Variants in RETREG1 observed in about 807,000 individuals in gnomAD.
RETREG1 encodes reticulophagy regulator 1.
In RETREG1, 44 loss-of-function variants were observed where a neutral mutation model predicts 54.8. That is an observed-to-expected ratio of 0.80 (90% confidence interval 0.63 to 1.03). The LOEUF is 1.03. Among genes scored for constraint, RETREG1 ranks in the 50% least tolerant of loss-of-function variants. RETREG1 has a pLI of 0.00. For missense variants in RETREG1, 554 were observed against 605.1 expected, an observed-to-expected ratio of 0.92 and a Z score of 0.89; for synonymous variants, 217 against 238.5, an observed-to-expected ratio of 0.91 and a Z score of 0.83.
intron 3 of RETREG1, among the ~76,000 whole-genome samples, chr5:16,544,282 C>A (rs934099585): frequency 1.3e-5 from 2 of 152,200 alleles, no homozygotes; most frequent in Non-Finnish European, 1.5e-5. Context: ...AGCCTATTGC[C>A]AAGTTTTAAT....
intron 3 of RETREG1, among the ~76,000 whole-genome samples, chr5:16,487,784 A>G (rs1196233488): frequency 6.6e-6 from 1 of 152,264 alleles, no homozygotes; most frequent in Admixed American, 6.5e-5. Flanking sequence ...GGAATAAAAC[A>G]TGGAAAGATG....
At chr5:16,514,200 G>A (rs906262355) in intron 3 of RETREG1, among the ~76,000 whole-genome samples, 1 of 152,128 alleles carries the variant, frequency 6.6e-6, no homozygotes. Flanking sequence ...GGGAGGAGAT[G>A]AATAACCTAG....
intron 3 of RETREG1, chr5:16,508,921 GC>G: frequency 1.7e-6 from 2 of 1,211,882 alleles, no homozygotes; most frequent in Non-Finnish European, 2.1e-6. Context: ...CTGGAAGTGA[GC>G]CCTGCCCAGC....
chr5:16,536,158 C>T (rs951046520), intron 3 of RETREG1, among the ~76,000 whole-genome samples: 2 of 152,186 alleles, frequency 1.3e-5, no homozygotes, highest in African/African-American at 4.8e-5. Context: ...ACCTCTATCC[C>T]ACCCCAAGAA....
At chr5:16,573,368 G>A (rs1200551424) in intron 1 of RETREG1, among the ~76,000 whole-genome samples, 1 of 152,018 alleles carries the variant, frequency 6.6e-6, no homozygotes, top group Non-Finnish European at 1.5e-5. Context: ...TGTTTGTAAA[G>A]AAATCACAAA....
chr5:16,480,592 G>A (rs1738725233), intron 5 of RETREG1, among the ~76,000 whole-genome samples: 1 of 152,064 alleles, frequency 6.6e-6, no homozygotes, highest in South Asian at 2.1e-4. Flanking sequence ...CACTTGCTCT[G>A]CATCCCTCCT....
At chr5:16,616,050 CCT>C (rs1222482365) in intron 1 of RETREG1, 1 of 152,218 alleles carries the variant, frequency 6.6e-6, no homozygotes, top group African/African-American at 2.4e-5. Flanking sequence ...TAAAAATATG[CCT>C]GTTTTCCACA....
Position 16,518,646 on chromosome 5 carries a change from A to C in RETREG1, c.459-35174T>G, listed in dbSNP as rs528720806. Among the ~76,000 whole-genome samples, 7 of 152,346 alleles carry C rather than the reference A, an allele frequency of 4.6e-5. No individual in the cohort carries two copies. The South Asian group carries it at 1.4e-3, about 32-fold the overall frequency. ...AGGGTTCCCTGTCCCTACAGGAAAGAAATACCCACTCACTTGGGACACAGG... is the reference window on the plus strand; with the variant it reads ...AGGGTTCCCTGTCCCTACAGGAAAGCAATACCCACTCACTTGGGACACAGG... On this transcript the variant is annotated intron_variant, in intron 3 of 8. Coordinates refer to ENST00000306320, the MANE Select transcript of RETREG1 (RefSeq NM_001034850.3).
chr5:16,546,735 T>A (rs1462078134), intron 3 of RETREG1, among the ~76,000 whole-genome samples: 1 of 152,198 alleles, frequency 6.6e-6, no homozygotes, highest in Admixed American at 6.5e-5. Context: ...TTTTTCCTGC[T>A]TTGTCTTAAA....
chr5:16,480,841 G>C (rs962682899), intron 5 of RETREG1, among the ~76,000 whole-genome samples, 168 bp downstream of exon 5: 1 of 151,980 alleles, frequency 6.6e-6, no homozygotes. Context: ...TTAAAATAGA[G>C]ACATGTCTCT....
chr5:16,503,880 G>T (rs1055676266), intron 3 of RETREG1, among the ~76,000 whole-genome samples: 5 of 144,224 alleles, frequency 3.5e-5, no homozygotes, highest in African/African-American at 1.3e-4. Flanking sequence ...TCTCTTTCCA[G>T]CTTCACTTTT....
At chr5:16,595,022 A>G (rs1742860284) in intron 1 of RETREG1, among the ~76,000 whole-genome samples, 1 of 152,140 alleles carries the variant, frequency 6.6e-6, no homozygotes, top group African/African-American at 2.4e-5. Flanking sequence ...GTTTCATATA[A>G]TATCCTTCCT....
In RETREG1 at chr5:16,561,658, G is replaced by A. The variant is rs142039301; in HGVS notation, c.458+4105C>T. Among the ~76,000 whole-genome samples the A allele has an allele frequency of 5.8e-3, 890 of 152,240 alleles. 6 individuals are homozygous for A. The highest frequency in any genetic ancestry group is 0.02 in the African/African-American group (851 of 41,534). On this transcript the variant is annotated intron_variant, in intron 3 of 8. Transcript: ENST00000306320. The surrounding 1 kb of genome is among the most constrained non-coding windows in gnomAD (Gnocchi z 4.2). ...CCTAGAATAGGGAGCTTCTCACTCC[G>A]TAACCAAACCTAACAGTTAGCAAAG...
At chr5:16,509,060 A>G in intron 3 of RETREG1, 2 of 963,260 alleles carry the variant, frequency 2.1e-6, no homozygotes, top group Non-Finnish European at 1.2e-6. Context: ...TTTTTCTGGC[A>G]TGACTAGGCA....
At chr5:16,611,123 G>A (rs184921941) in intron 1 of RETREG1, among the ~76,000 whole-genome samples, 15 of 152,172 alleles carry the variant, frequency 9.9e-5, no homozygotes, top group African/African-American at 3.1e-4. Context: ...GAATGAAGCT[G>A]GAAACCATTC....
At chr5:16,527,698 CA>C (rs1264205765) in intron 3 of RETREG1, among the ~76,000 whole-genome samples, 1 of 148,444 alleles carries the variant, frequency 6.7e-6, no homozygotes, top group Non-Finnish European at 1.5e-5. Context: ...AATAGCCTTG[CA>C]AAAGTTTCTT....
chr5:16,556,552 C>T (rs1224868871), intron 3 of RETREG1, among the ~76,000 whole-genome samples: 1 of 152,030 alleles, frequency 6.6e-6, no homozygotes, highest in African/African-American at 2.4e-5. Context: ...ATGTCAAAAA[C>T]GATCCTGAAC....
chr5:16,545,816 A>C (rs56379171), intron 3 of RETREG1, among the ~76,000 whole-genome samples: 44,435 of 152,142 alleles, frequency 0.29, 6,821 homozygotes, highest in East Asian at 0.4. Context: ...GTCTGTTGTC[A>C]GCACAGAAGC....
chr5:16,476,933 A>G (rs1227871066), intron 8 of RETREG1, among the ~76,000 whole-genome samples: 3 of 152,060 alleles, frequency 2.0e-5, no homozygotes, highest in Non-Finnish European at 4.4e-5. Flanking sequence ...TAAAAATAAA[A>G]AGCTTTTTTA....
Sources: allele counts gnomAD v4.1 joint callset (sites outside exome capture counted in the v4.1 genomes callset), GRCh38; gene constraint gnomAD v4.1.1; non-coding constraint Gnocchi (gnomAD v3.1); transcripts MANE v1.5; gene names NCBI Gene and HGNC (gene_info 2026-07-23, HGNC 2026-07-21).